CASK: variants seen among roughly 807,000 people sequenced by gnomAD.
CASK encodes calcium/calmodulin dependent serine protein kinase.
In CASK, 4 loss-of-function variants were observed where a neutral mutation model predicts 82.9. The ratio of observed to expected loss-of-function variants is 0.05; its 90% CI spans 0.02 to 0.11. The LOEUF is 0.11. CASK is among the 10% of genes least tolerant of loss of function. CASK has a pLI of 1.00. For missense variants in CASK, 358 were observed against 720.9 expected, an observed-to-expected ratio of 0.50 and a Z score of 5.76; for synonymous variants, 259 against 253.5, an observed-to-expected ratio of 1.02 and a Z score of -0.20.
At chrX:41,837,059 G>T (rs1259300315) in intron 2 of CASK, among the ~76,000 whole-genome samples, 2 of 112,206 alleles carry the variant, frequency 1.8e-5, no homozygotes, top group African/African-American at 6.5e-5. Context: ...AAAACCTGTA[G>T]TTAAAATGCT....
rs771961091 is a variant in CASK, at chrX:41,612,993, G to A, written c.1034-2968C>T. On this transcript the variant is annotated intron_variant, in intron 11 of 26. Coordinates refer to ENST00000378163, the MANE Select transcript of CASK (RefSeq NM_001367721.1). ...GCCCCTCTGCCTGGCCAGCCGCCCC[G>A]TCCGGGAGGGAGGTGGGGGGGTCAG... is the stretch of plus-strand genomic sequence containing the variant. 1.9e-3 allele frequency among the ~76,000 whole-genome samples: 190 copies of A among 100,035 alleles called. 2 individuals are homozygous for A. Among genetic ancestry groups the A allele is most frequent in the African/African-American group, 7.0e-3 (184 of 26,421 alleles). The allele number at this position is 100,035 out of a possible 115,157, so 86.9% of individuals were successfully genotyped here.
chrX:41,631,428 A>G (rs2066464576), intron 9 of CASK, among the ~76,000 whole-genome samples: 1 of 111,556 alleles, frequency 9.0e-6, no homozygotes, highest in African/African-American at 3.3e-5. Flanking sequence ...CCCTGTCTCA[A>G]TTAAAAAAGA....
intron 12 of CASK, among the ~76,000 whole-genome samples, chrX:41,604,264 C>G (rs185232871): frequency 1.9e-5 from 2 of 103,925 alleles, no homozygotes; most frequent in Admixed American, 1.1e-4. Context: ...TTACCCAGAA[C>G]CTCAGAATGT....
intron 1 of CASK, among the ~76,000 whole-genome samples, chrX:41,873,785 CT>C (rs781735208): frequency 4.2e-3 from 369 of 88,585 alleles, no homozygotes; most frequent in East Asian, 0.024. Flanking sequence ...TTTGTTGTTC[CT>C]TTTTTTTTTT....
intron 8 of CASK, among the ~76,000 whole-genome samples, chrX:41,642,430 T>C (rs770378670): frequency 8.9e-6 from 1 of 112,063 alleles, no homozygotes; most frequent in Non-Finnish European, 1.9e-5. Flanking sequence ...TTTTTAATGA[T>C]TGCCATTCTA....
chrX:41,708,950 CAT>C (rs1161992764), intron 5 of CASK, among the ~76,000 whole-genome samples: 5 of 111,021 alleles, frequency 4.5e-5, no homozygotes, highest in Non-Finnish European at 9.4e-5. Context: ...TAAAACCATA[CAT>C]TTTTAGGCTG....
intron 3 of CASK, among the ~76,000 whole-genome samples, chrX:41,775,732 G>A (rs971755617): frequency 2.9e-5 from 3 of 104,021 alleles, no homozygotes; most frequent in Non-Finnish European, 6.0e-5. Flanking sequence ...CATGTCCTTT[G>A]TAGGGATATG....
intron 2 of CASK, among the ~76,000 whole-genome samples, chrX:41,810,948 CAG>C (rs2070267964): frequency 9.0e-6 from 1 of 111,169 alleles, no homozygotes; most frequent in Non-Finnish European, 1.9e-5. Context: ...TCTGATAAAA[CAG>C]ACTTTAAACC....
chrX:41,626,497 G>T (rs750628809), intron 10 of CASK, 107 bp downstream of exon 10: 1 of 546,491 alleles, frequency 1.8e-6, no homozygotes, highest in Non-Finnish European at 3.2e-6. Flanking sequence ...CTTAGAATCC[G>T]TTGGAGGATT....
rs958677925 is a variant in CASK, at chrX:41,530,996, C to A, written c.2520+11G>T. 2 of 1,200,900 alleles carry A rather than the reference C, an allele frequency of 1.7e-6. No homozygotes were observed. Among genetic ancestry groups the A allele is most frequent in the East Asian group, 5.9e-5 (2 of 33,787 alleles). Reference sequence around the variant, plus strand: ...GCAGGATGTCAGACATTCGGGGAGGCTGGGCATTACCTGAGGCTCCACGTC... The same window carrying A: ...GCAGGATGTCAGACATTCGGGGAGGATGGGCATTACCTGAGGCTCCACGTC... On this transcript the variant is annotated intron_variant, in intron 25 of 26. Transcript: ENST00000378163.
At chrX:41,903,519 C>T (rs1430368950) in intron 1 of CASK, among the ~76,000 whole-genome samples, 1 of 112,061 alleles carries the variant, frequency 8.9e-6, no homozygotes, top group Non-Finnish European at 1.9e-5. Context: ...AATTATAAAA[C>T]ATGAGTATAA....
chrX:41,843,480 C>T (rs777834785), intron 2 of CASK, among the ~76,000 whole-genome samples: 1 of 111,495 alleles, frequency 9.0e-6, no homozygotes, highest in African/African-American at 3.3e-5. Flanking sequence ...AATGTTTAAA[C>T]AAGCTTGAAT....
At chrX:41,886,472 A>G (rs2072050736) in intron 1 of CASK, among the ~76,000 whole-genome samples, 1 of 111,944 alleles carries the variant, frequency 8.9e-6, no homozygotes, top group Admixed American at 9.5e-5. Flanking sequence ...GCTTGACTAG[A>G]TAACTTTTAG....
intron 1 of CASK, among the ~76,000 whole-genome samples, chrX:41,859,358 G>C (rs1451867614): frequency 1.8e-5 from 2 of 111,392 alleles, no homozygotes; most frequent in South Asian, 3.7e-4. Context: ...CTGTAAATTC[G>C]CCTACTTGGT....
chrX:41,919,222 T>C (rs1009375085), intron 1 of CASK: 21 of 112,049 alleles, frequency 1.9e-4, no homozygotes, highest in Non-Finnish European at 2.4e-4. Flanking sequence ...AATAAGTAAC[T>C]GTAATTAAAT....
intron 1 of CASK, among the ~76,000 whole-genome samples, chrX:41,915,637 G>A (rs755660373): frequency 9.0e-6 from 1 of 111,258 alleles, no homozygotes; most frequent in East Asian, 2.8e-4. Flanking sequence ...ACCAAGGCAG[G>A]TGGATCACCT....
chrX:41,721,045 G>A (rs942172955), intron 5 of CASK, among the ~76,000 whole-genome samples: 1 of 111,960 alleles, frequency 8.9e-6, no homozygotes, highest in African/African-American at 3.2e-5. Flanking sequence ...TCCTAAGGGT[G>A]ACAGCAGAAC....
chrX:41,592,558 C>T (rs990059184), intron 12 of CASK, among the ~76,000 whole-genome samples: 6 of 110,738 alleles, frequency 5.4e-5, no homozygotes, highest in Non-Finnish European at 1.1e-4. Context: ...AACGTGTGGC[C>T]GAATCAGATG....
At chrX:41,584,559 T>C (rs779162460) in intron 14 of CASK, 2 of 111,668 alleles carry the variant, frequency 1.8e-5, no homozygotes, top group Admixed American at 1.9e-4. Context: ...TAGATTCTCA[T>C]AAGGAGTATG....
Sources: allele counts gnomAD v4.1 joint callset (sites outside exome capture counted in the v4.1 genomes callset), GRCh38; gene constraint gnomAD v4.1.1; transcripts MANE v1.5; gene names NCBI Gene and HGNC (gene_info 2026-07-23, HGNC 2026-07-21).